ADGRL2: variants seen among roughly 807,000 people sequenced by gnomAD.
ADGRL2 encodes adhesion G protein-coupled receptor L2.
Under a neutral mutation model 157.4 loss-of-function variants are expected in ADGRL2, and 44 were observed. The ratio of observed to expected loss-of-function variants is 0.28; its 90% confidence interval spans 0.22 to 0.36. The LOEUF is 0.36. Among genes scored for constraint, ADGRL2 ranks in the 10% least tolerant of loss-of-function variants. ADGRL2 has a pLI of 1.00. For synonymous variants in ADGRL2, 585 were observed against 624.7 expected, an observed-to-expected ratio of 0.94 and a Z score of 0.95; for missense variants, 1,510 against 1,768.9, an observed-to-expected ratio of 0.85 and a Z score of 2.63.
chr1:81,738,980 C>T (rs1422644614), intron 1 of ADGRL2, among the ~76,000 whole-genome samples: 1 of 152,198 alleles, frequency 6.6e-6, no homozygotes, highest in Non-Finnish European at 1.5e-5. Flanking sequence ...ACCCCAGGGA[C>T]CAGTGGCCTA....
chr1:81,504,815 C>G (rs6660391), intron 2 of ADGRL2, among the ~76,000 whole-genome samples: 21,832 of 152,214 alleles, frequency 0.14, 1,647 homozygotes, highest in South Asian at 0.19. Context: ...AGGGCACAGG[C>G]AGGCTGGGGT....
At chr1:81,357,638 T>C (rs1570714333) in intron 1 of ADGRL2, among the ~76,000 whole-genome samples, 1 of 152,222 alleles carries the variant, frequency 6.6e-6, no homozygotes, top group African/African-American at 2.4e-5. Flanking sequence ...TTTACAATAA[T>C]GATATGATAT....
At chr1:81,965,247 G>A (rs1451236717) in intron 11 of ADGRL2, among the ~76,000 whole-genome samples, 2 of 152,140 alleles carry the variant, frequency 1.3e-5, no homozygotes, top group African/African-American at 2.4e-5. Context: ...GCAAGCCATG[G>A]TGGTCTCTCT....
chr1:81,643,343 C>A (rs142015685), intron 3 of ADGRL2, among the ~76,000 whole-genome samples: 1 of 152,100 alleles, frequency 6.6e-6, no homozygotes, highest in Non-Finnish European at 1.5e-5. Context: ...GACAGGGTCT[C>A]GCTCTGTTGC....
chr1:81,985,358 C>CAGTT lies in ADGRL2; in HGVS notation c.3508+5_3508+8dup, dbSNP rs1033537034. 5.1e-6 allele frequency: 8 copies of CAGTT among 1,562,058 alleles called. No homozygotes were observed. The Admixed American group carries it at 1.0e-4, about 20-fold the overall frequency. On this transcript the variant is annotated splice_donor_region_variant and intron_variant, in intron 21 of 23. Transcript: ENST00000686636. ...TAGCACTTCAACACTTAATCAAGGT[C>CAGTT]AGTTATCAGGAAAATTTGAGTTACT...
chr1:81,685,367 A>C (rs1224639495), intron 3 of ADGRL2, among the ~76,000 whole-genome samples: 1 of 148,806 alleles, frequency 6.7e-6, no homozygotes. Flanking sequence ...TGTTAGGTAT[A>C]TTGCTAAGTA....
At chr1:81,496,581 G>T (rs555408057) in intron 2 of ADGRL2, among the ~76,000 whole-genome samples, 1 of 151,934 alleles carries the variant, frequency 6.6e-6, no homozygotes, top group South Asian at 2.1e-4. Flanking sequence ...TGGTATTTTA[G>T]GTTGACTCTG....
At position 81,943,273 on chromosome 1, in the gene ADGRL2, GAGGACTAGAATT is replaced by G; in HGVS notation, c.716_727del (p.Arg239_Ile242del). 6.2e-7 allele frequency: 1 copy of G among 1,613,542 alleles called. No individual in the cohort carries two copies. Among genetic ancestry groups the G allele is most frequent in the Non-Finnish European group, 8.5e-7 (1 of 1,179,690 alleles). Reference sequence around the variant, plus strand: ...CGAGGAATATTGTGAAATTTGACTTGAGGACTAGAATTAAGAGTGGCGAGGCCATAATTAACT... The same window carrying G: ...CGAGGAATATTGTGAAATTTGACTTGAAGAGTGGCGAGGCCATAATTAACT... On this transcript the variant is annotated inframe_deletion, in exon 6 of 24. Coordinates refer to ENST00000686636, the MANE Select transcript of ADGRL2 (RefSeq NM_001366006.2). This position sits in a 1 kb window ranked among gnomAD's most constrained non-coding sequence, Gnocchi z 5.6.
intron 1 of ADGRL2, among the ~76,000 whole-genome samples, chr1:81,705,236 T>C (rs1484674364): frequency 6.6e-6 from 1 of 151,974 alleles, no homozygotes; most frequent in East Asian, 1.9e-4. Flanking sequence ...ATTTTTAGTA[T>C]TGGCCAGGCT....
At chr1:81,940,261 A>C (rs1647389518) in intron 4 of ADGRL2, among the ~76,000 whole-genome samples, 1 of 151,518 alleles carries the variant, frequency 6.6e-6, no homozygotes, top group Admixed American at 6.6e-5. Context: ...GGAAAAAAGC[A>C]TACAGCTGTA....
chr1:81,591,139 C>T (rs941758209), intron 3 of ADGRL2, among the ~76,000 whole-genome samples: 1 of 152,180 alleles, frequency 6.6e-6, no homozygotes, highest in Non-Finnish European at 1.5e-5. Flanking sequence ...TCTTATAAGG[C>T]ATCTGCCTCA....
chr1:81,483,011 T>G (rs1313914995), intron 2 of ADGRL2, among the ~76,000 whole-genome samples: 1 of 152,014 alleles, frequency 6.6e-6, no homozygotes, highest in Non-Finnish European at 1.5e-5. Flanking sequence ...TATGGAGCTA[T>G]TTTTTTATTT....
At chr1:81,321,814 GA>G (rs958709138) in intron 1 of ADGRL2, among the ~76,000 whole-genome samples, 12 of 144,762 alleles carry the variant, frequency 8.3e-5, no homozygotes, top group African/African-American at 3.0e-4. Context: ...ACAAAGATAT[GA>G]AGTGATTACA....
intron 2 of ADGRL2, among the ~76,000 whole-genome samples, chr1:81,517,167 T>A (rs2148132327): frequency 1.3e-5 from 2 of 152,074 alleles, no homozygotes; most frequent in African/African-American, 4.8e-5. Context: ...TGTTAGTGGT[T>A]ATTGGTTGAA....
chr1:81,466,239 C>A (rs186327274), intron 2 of ADGRL2, among the ~76,000 whole-genome samples: 3 of 152,150 alleles, frequency 2.0e-5, no homozygotes, highest in African/African-American at 7.2e-5. Flanking sequence ...AGATGCATTA[C>A]GTGGCAATTC....
At chr1:81,801,915 C>T (rs2088231571) in intron 1 of ADGRL2, among the ~76,000 whole-genome samples, 1 of 151,992 alleles carries the variant, frequency 6.6e-6, no homozygotes, top group South Asian at 2.1e-4. Flanking sequence ...GGGGTGTGTG[C>T]GTGTGTGTGA....
intron 1 of ADGRL2, among the ~76,000 whole-genome samples, chr1:81,720,511 T>A (rs1384235489): frequency 6.6e-6 from 1 of 152,158 alleles, no homozygotes; most frequent in African/African-American, 2.4e-5. Flanking sequence ...GAGGTCTGTA[T>A]ATTTTCTTCA....
chr1:81,992,721 A>G lies in ADGRL2; in HGVS notation c.*1576A>G, dbSNP rs188515128. 6.6e-6 allele frequency among the ~76,000 whole-genome samples: 1 copy of G among 152,128 alleles called. No homozygotes were observed. The highest frequency in any genetic ancestry group is 1.5e-5 in the Non-Finnish European group (1 of 68,008). ...AGTTCTGCCATCAAATTTGGGTATCATAAAAAGTTTTTAACTGATTTTTCA... is the reference window on the plus strand; with the variant it reads ...AGTTCTGCCATCAAATTTGGGTATCGTAAAAAGTTTTTAACTGATTTTTCA... On this transcript the variant is annotated 3_prime_UTR_variant, in exon 24 of 24. Transcript: ENST00000686636.
chr1:81,900,315 C>T (rs887982412), intron 2 of ADGRL2, among the ~76,000 whole-genome samples: 3 of 152,176 alleles, frequency 2.0e-5, no homozygotes, highest in African/African-American at 7.2e-5. Context: ...TCTACTAGAA[C>T]TTCTAGCAGA....
Sources: gnomAD v4.1 joint callset for allele counts (sites outside exome capture counted in the v4.1 genomes callset) on GRCh38, gnomAD v4.1.1 for gene constraint, Gnocchi (gnomAD v3.1) non-coding constraint, MANE v1.5 for transcripts, NCBI Gene and HGNC (gene_info 2026-07-23, HGNC 2026-07-21) for gene names.